ACO2: variants seen among roughly 807,000 people sequenced by gnomAD.
The protein encoded by ACO2 is aconitase 2.
ACO2 carries 31 observed loss-of-function variants against 84.5 expected under a neutral mutation model. That is an observed-to-expected ratio of 0.37 (90% confidence interval 0.28 to 0.50). The LOEUF (loss-of-function observed/expected upper bound fraction) is 0.50. ACO2 is among the 20% of genes least tolerant of loss of function. The pLI is 0.97. For missense variants in ACO2, 685 were observed against 1,029.3 expected (o/e 0.67, Z 4.58); for synonymous variants, 414 against 412.7 (o/e 1.00, Z -0.04).
At chr22:41,523,161 C>T in intron 10 of ACO2, 44 bp from the exon 11 acceptor site, 1 of 1,577,568 alleles carries the variant, frequency 6.3e-7, no homozygotes, top group Non-Finnish European at 8.7e-7. Flanking sequence ...TCCCATCAGA[C>T]TCTCACCCAC....
At chr22:41,477,280 C>CAA (rs2038028761) in intron 1 of ACO2, among the ~76,000 whole-genome samples, 1 of 151,334 alleles carries the variant, frequency 6.6e-6, no homozygotes, top group Non-Finnish European at 1.5e-5. Flanking sequence ...CAGCCTCCTG[C>CAA]GTAGCTGGGA....
rs376182038 is a variant in ACO2 at position 41,518,463 on chromosome 22, G to A, written c.941-18G>A. ...TTTATGTTTCACGTGCTCCATCCCC[G>A]TCCCTTGTTGATTTCAGACATTGCC... On this transcript the variant is annotated intron_variant, in intron 7 of 17. Transcript: ENST00000216254. The A allele has an allele frequency of 1.6e-5, 26 of 1,597,712 alleles. No individual in the cohort carries two copies. The highest frequency in any genetic ancestry group is 9.4e-5 in the African/African-American group (7 of 74,686).
At chr22:41,496,777 C>A (rs1015759556) in intron 1 of ACO2, among the ~76,000 whole-genome samples, 2 of 152,132 alleles carry the variant, frequency 1.3e-5, no homozygotes, top group Non-Finnish European at 2.9e-5. Context: ...GATGTGAAGT[C>A]TGGACTGGGG....
At chr22:41,486,509 C>T (rs796777397) in intron 1 of ACO2, among the ~76,000 whole-genome samples, 13 of 141,410 alleles carry the variant, frequency 9.2e-5, no homozygotes, top group African/African-American at 2.2e-4. Context: ...CTTACTCTGT[C>T]GCCCAGGCTG....
chr22:41,480,468 G>A (rs1216261154), intron 1 of ACO2, among the ~76,000 whole-genome samples: 2 of 152,074 alleles, frequency 1.3e-5, no homozygotes, highest in Non-Finnish European at 2.9e-5. Context: ...ACCTGCTCTG[G>A]GGCTCTGGTC....
At chr22:41,506,194 C>T (rs2066391680) in intron 2 of ACO2, among the ~76,000 whole-genome samples, 1 of 151,784 alleles carries the variant, frequency 6.6e-6, no homozygotes, top group Admixed American at 6.6e-5. Flanking sequence ...CTTAAGTGAT[C>T]CTCCCGCCTC....
rs375652573 is a variant in ACO2, at chr22:41,518,462, C to A, written c.941-19C>A. 4 of 1,594,946 alleles carry A rather than the reference C, an allele frequency of 2.5e-6. No homozygotes were observed. The highest frequency in any genetic ancestry group is 1.1e-5 in the South Asian group (1 of 90,634). On this transcript the variant is annotated intron_variant, in intron 7 of 17. Coordinates refer to ENST00000216254, the MANE Select transcript of ACO2 (RefSeq NM_001098.3). Reference sequence around the variant, plus strand: ...GTTTATGTTTCACGTGCTCCATCCCCGTCCCTTGTTGATTTCAGACATTGC... The same window carrying A: ...GTTTATGTTTCACGTGCTCCATCCCAGTCCCTTGTTGATTTCAGACATTGC...
At chr22:41,524,624 G>A (rs1191301965) in intron 12 of ACO2, among the ~76,000 whole-genome samples, 1 of 152,246 alleles carries the variant, frequency 6.6e-6, no homozygotes, top group Non-Finnish European at 1.5e-5. Flanking sequence ...GCAGGGATGG[G>A]AGAGGCCGCA....
At chr22:41,479,216 G>A (rs1017020056) in intron 1 of ACO2, among the ~76,000 whole-genome samples, 1 of 152,218 alleles carries the variant, frequency 6.6e-6, no homozygotes, top group Non-Finnish European at 1.5e-5. Context: ...CATGGATGTA[G>A]TGGTGGTGTG....
chr22:41,516,089 A>G (rs2066474096), intron 6 of ACO2, 172 bp downstream of exon 6: 1 of 807,230 alleles, frequency 1.2e-6, no homozygotes, highest in Admixed American at 2.1e-5. Context: ...GAGATTGTCT[A>G]GTCCACATCC....
In ACO2 at chr22:41,515,672, A is replaced by G; in HGVS notation, c.685-95A>G. 6.2e-7 allele frequency: 1 copy of G among 1,600,562 alleles called. No individual in the cohort carries two copies. Among genetic ancestry groups the G allele is most frequent in the Non-Finnish European group, 8.5e-7 (1 of 1,171,466 alleles). On this transcript the variant is annotated intron_variant, in intron 5 of 17. Coordinates refer to ENST00000216254, the MANE Select transcript of ACO2 (RefSeq NM_001098.3). This position sits in a 1 kb window ranked among gnomAD's most constrained non-coding sequence, Gnocchi z 5.8. ...TTCTGGGAGGGAGGTAGAGACCAAT[A>G]AGCAGCAATGTGAATGGCAGCAGGG...
chr22:41,486,349 AGTG>A (rs1445687232), intron 1 of ACO2, among the ~76,000 whole-genome samples: 2 of 151,922 alleles, frequency 1.3e-5, no homozygotes, highest in African/African-American at 4.8e-5. Context: ...GCTGGAGTGC[AGTG>A]GTGTAATCTT....
chr22:41,522,334 A>G (rs1177656326), intron 9 of ACO2, among the ~76,000 whole-genome samples: 2 of 152,204 alleles, frequency 1.3e-5, no homozygotes, highest in African/African-American at 4.8e-5. Flanking sequence ...GCAAGACCCC[A>G]TCTCAACAAC....
rs1175190564 is a variant in ACO2, at chr22:41,525,265, C to G, written c.1678C>G (p.Pro560Ala). The G allele has an allele frequency of 6.2e-7, 1 of 1,614,050 alleles. No individual in the cohort carries two copies. Among genetic ancestry groups the G allele is most frequent in the African/African-American group, 1.3e-5 (1 of 75,028 alleles). Reference sequence around the variant, plus strand: ...CAGCGGGCAGCATGTGGACGTGAGCCCCACCAGCCAGCGCCTGCAGCTCCT... The same window carrying G: ...CAGCGGGCAGCATGTGGACGTGAGCGCCACCAGCCAGCGCCTGCAGCTCCT... ...DSSGQHVDVS[P>A]TSQRLQLLEP... The change falls in exon 14 of 18, where the codon CCC becomes GCC. Residue 560 changes from proline (P) to alanine (A), a missense_variant. Transcript: ENST00000216254.
chr22:41,479,097 G>A (rs1296552460), intron 1 of ACO2, among the ~76,000 whole-genome samples: 2 of 152,204 alleles, frequency 1.3e-5, no homozygotes, highest in African/African-American at 4.8e-5. Flanking sequence ...TTTTAGGGTG[G>A]TGAGGGAGAA....
At chr22:41,510,127 C>T (rs868838635) in intron 3 of ACO2, among the ~76,000 whole-genome samples, 8 of 152,256 alleles carry the variant, frequency 5.3e-5, no homozygotes, top group Middle Eastern at 3.4e-3. Context: ...TGAGCCACCA[C>T]GCCCGGCCTA....
In ACO2 at chr22:41,518,667, C is replaced by T. The variant is rs1055560189; in HGVS notation, c.1032+95C>T. ...ATACTCACTGAGGGCCGGGTGGTGG[C>T]TCACAGCTGTAATCCCAGCACTTTG... On this transcript the variant is annotated intron_variant, in intron 8 of 17. Coordinates refer to ENST00000216254, the MANE Select transcript of ACO2 (RefSeq NM_001098.3). The T allele has an allele frequency of 2.8e-5, 27 of 974,288 alleles. No individual in the cohort carries two copies. In the African/African-American group the frequency reaches 3.4e-4, roughly 12 times the overall value. The allele number at this position is 974,288 out of a possible 1,614,324, so 60.4% of individuals were successfully genotyped here. A position where few individuals can be genotyped will look rare whatever the true frequency, so the allele number is the denominator to read the frequency against.
chr22:41,503,090 A>T (rs1351193347), intron 2 of ACO2, among the ~76,000 whole-genome samples: 2 of 152,194 alleles, frequency 1.3e-5, no homozygotes, highest in East Asian at 3.8e-4. Context: ...ATTATTCACT[A>T]TTTAGTTTTT....
chr22:41,502,377 C>T (rs1175268404), intron 2 of ACO2, among the ~76,000 whole-genome samples: 1 of 152,158 alleles, frequency 6.6e-6, no homozygotes, highest in Non-Finnish European at 1.5e-5. Flanking sequence ...AAGGGACTTA[C>T]GTGCCTGTCA....
Sources: gnomAD v4.1 joint callset for allele counts (sites outside exome capture counted in the v4.1 genomes callset) on GRCh38, gnomAD v4.1.1 for gene constraint, Gnocchi (gnomAD v3.1) non-coding constraint, MANE v1.5 for transcripts, NCBI Gene and HGNC (gene_info 2026-07-23, HGNC 2026-07-21) for gene names.